PRKN: variants seen among roughly 807,000 people sequenced by gnomAD.
PRKN encodes E3 ubiquitin-protein ligase parkin.
A neutral mutation model predicts 59.5 loss-of-function variants in PRKN; 56 were observed. The observed-to-expected ratio is 0.94, with a 90% CI of 0.76 to 1.18. The LOEUF is 1.18. Among genes scored for constraint, PRKN ranks in the 50% most tolerant of loss-of-function variants. The pLI, the probability that PRKN is intolerant of heterozygous loss-of-function variation, is 0.00. For missense variants in PRKN, 657 were observed against 596.4 expected, an observed-to-expected ratio of 1.10 and a Z score of -1.06; for synonymous variants, 250 against 222.1, an observed-to-expected ratio of 1.13 and a Z score of -1.12.
Position 161,361,097 on chromosome 6 carries a change from G to A in PRKN, c.1168-892C>T, listed in dbSNP as rs1784960358. Reference sequence around the variant, plus strand: ...TGGGGGTGGAAGCAAGAGGTCCTGGGCTAGCTGTGCTTGACATCTGTGACC... The same window carrying A: ...TGGGGGTGGAAGCAAGAGGTCCTGGACTAGCTGTGCTTGACATCTGTGACC... On this transcript the variant is annotated intron_variant, in intron 10 of 11. Coordinates refer to ENST00000366898, the MANE Select transcript of PRKN (RefSeq NM_004562.3). This position sits in a 1 kb window ranked among gnomAD's most constrained non-coding sequence, Gnocchi z 5.2. Among the ~76,000 whole-genome samples the A allele has an allele frequency of 6.6e-6, 1 of 151,926 alleles. No homozygotes were observed.
At chr6:162,265,784 T>G (rs1780102599) in intron 2 of PRKN, among the ~76,000 whole-genome samples, 1 of 152,154 alleles carries the variant, frequency 6.6e-6, no homozygotes, top group Non-Finnish European at 1.5e-5. Flanking sequence ...ACTCACAGCA[T>G]GAAGCAGGGA....
At chr6:162,477,606 T>C (rs1026994099) in intron 1 of PRKN, among the ~76,000 whole-genome samples, 5 of 152,188 alleles carry the variant, frequency 3.3e-5, no homozygotes, top group Admixed American at 3.3e-4. Context: ...GTGTTCACAG[T>C]CCTTTACGAT....
intron 2 of PRKN, among the ~76,000 whole-genome samples, chr6:162,424,738 GAAAAAAAA>G (rs756618241): frequency 8.3e-6 from 1 of 121,150 alleles, no homozygotes; most frequent in Non-Finnish European, 1.8e-5. Flanking sequence ...CTGTCTCAAA[GAAAAAAAA>G]AAAAAAGAAA....
intron 6 of PRKN, among the ~76,000 whole-genome samples, chr6:161,872,486 G>T (rs1024492006): frequency 6.6e-6 from 1 of 152,030 alleles, no homozygotes. Context: ...CCTCATATCA[G>T]ACATACCTCA....
chr6:162,476,326 C>A (rs957435567), intron 1 of PRKN, among the ~76,000 whole-genome samples: 2 of 152,078 alleles, frequency 1.3e-5, no homozygotes, highest in African/African-American at 4.8e-5. Context: ...CCCGCCTCGG[C>A]CTCCCAAAGT....
chr6:162,235,114 A>C (rs1778593601), intron 3 of PRKN, among the ~76,000 whole-genome samples: 1 of 152,222 alleles, frequency 6.6e-6, no homozygotes, highest in Admixed American at 6.5e-5. Context: ...GAGAGGCTTA[A>C]GGGATATTTG....
chr6:161,680,752 TA>T (rs1562603692), intron 7 of PRKN, among the ~76,000 whole-genome samples: 448 of 33,424 alleles, frequency 0.013, 30 homozygotes, highest in African/African-American at 0.037. Flanking sequence ...TATATATATA[TA>T]TATATATATA....
chr6:161,659,018 A>C (rs1194328223), intron 7 of PRKN, among the ~76,000 whole-genome samples: 2 of 152,248 alleles, frequency 1.3e-5, no homozygotes, highest in Non-Finnish European at 2.9e-5. Context: ...TGCTGAGCAC[A>C]GCGACTACCA....
intron 1 of PRKN, among the ~76,000 whole-genome samples, chr6:162,718,423 T>C (rs1225911347): frequency 6.6e-6 from 1 of 152,074 alleles, no homozygotes; most frequent in African/African-American, 2.4e-5. Flanking sequence ...TTAAAAATTA[T>C]TCCAGAGGCC....
At chr6:161,553,623 T>C (rs902802013) in intron 8 of PRKN, among the ~76,000 whole-genome samples, 1 of 152,264 alleles carries the variant, frequency 6.6e-6, no homozygotes, top group African/African-American at 2.4e-5. Context: ...CAAACATTCC[T>C]TCATTTATTA....
intron 2 of PRKN, among the ~76,000 whole-genome samples, chr6:162,289,650 T>C (rs1274823778): frequency 6.7e-6 from 1 of 148,398 alleles, no homozygotes; most frequent in Non-Finnish European, 1.5e-5. Flanking sequence ...TGAGCCGAGA[T>C]AACTCTAGCC....
intron 1 of PRKN, among the ~76,000 whole-genome samples, chr6:162,684,801 G>C (rs1443606969): frequency 4.6e-5 from 7 of 151,944 alleles, no homozygotes; most frequent in African/African-American, 1.7e-4. Context: ...ATCCCAGCAG[G>C]CCAGCCTCCC....
At chr6:161,743,094 A>AT (rs997434936) in intron 7 of PRKN, among the ~76,000 whole-genome samples, 57 of 151,146 alleles carry the variant, frequency 3.8e-4, no homozygotes, top group Admixed American at 2.2e-3. Context: ...GCTGAAATGA[A>AT]TTTTTTTTTC....
At chr6:161,436,377 G>A (rs78308022) in intron 9 of PRKN, among the ~76,000 whole-genome samples, 1 of 125,762 alleles carries the variant, frequency 8.0e-6, no homozygotes, top group Non-Finnish European at 1.7e-5. Context: ...GATTTCATTC[G>A]CTGGGATGGA....
At chr6:162,348,110 T>A (rs1784480223) in intron 2 of PRKN, among the ~76,000 whole-genome samples, 1 of 152,126 alleles carries the variant, frequency 6.6e-6, no homozygotes, top group African/African-American at 2.4e-5. Context: ...CCCAAAAGGA[T>A]TAGAGATAAC....
chr6:161,705,392 AC>A (rs368547192), intron 7 of PRKN, among the ~76,000 whole-genome samples: 31 of 152,326 alleles, frequency 2.0e-4, no homozygotes, highest in African/African-American at 7.0e-4. Flanking sequence ...TGAATACTGT[AC>A]AAAAAGTGAA....
chr6:161,812,635 T>C (rs1227982545), intron 6 of PRKN, among the ~76,000 whole-genome samples: 1 of 152,198 alleles, frequency 6.6e-6, no homozygotes, highest in Non-Finnish European at 1.5e-5. Context: ...CATGAAAAGA[T>C]GGTGCAGATC....
At chr6:162,611,886 T>C (rs1782168577) in intron 1 of PRKN, among the ~76,000 whole-genome samples, 1 of 152,020 alleles carries the variant, frequency 6.6e-6, no homozygotes, top group South Asian at 2.1e-4. Context: ...TGAAGGAGTG[T>C]ATATAAAGAA....
At chr6:162,570,178 CA>C (rs1780260355) in intron 1 of PRKN, among the ~76,000 whole-genome samples, 1 of 152,112 alleles carries the variant, frequency 6.6e-6, no homozygotes, top group Non-Finnish European at 1.5e-5. Flanking sequence ...AGAAGACATA[CA>C]AATGGCAAAC....
Sources: allele counts gnomAD v4.1 joint callset (sites outside exome capture counted in the v4.1 genomes callset), GRCh38; gene constraint gnomAD v4.1.1; non-coding constraint Gnocchi (gnomAD v3.1); transcripts MANE v1.5; gene names NCBI Gene and HGNC (gene_info 2026-07-23, HGNC 2026-07-21).